The following RAB2A variants were observed in gnomAD, a reference collection of about 807,000 sequenced individuals.
RAB2A encodes the protein ras-related protein Rab-2A.
Under a neutral mutation model 32.5 loss-of-function variants are expected in RAB2A, and 7 were observed. That is an observed-to-expected ratio of 0.22 (90% CI 0.12 to 0.40). RAB2A has a LOEUF of 0.40. Ranked by LOEUF, RAB2A falls within the 10% of genes least tolerant of loss-of-function variation. The pLI, the probability that RAB2A is intolerant of heterozygous loss-of-function variation, is 1.00. For synonymous variants in RAB2A, 79 were observed against 85.2 expected (o/e 0.93, Z 0.40); for missense variants, 108 against 260.7 (o/e 0.41, Z 4.03).
intron 1 of RAB2A, among the ~76,000 whole-genome samples, chr8:60,522,794 C>T (rs1807321503): frequency 6.6e-6 from 1 of 152,000 alleles, no homozygotes; most frequent in South Asian, 2.1e-4. Flanking sequence ...GAAGGAAGAC[C>T]TCTTCCTGTG....
chr8:60,546,804 A>G (rs760427789), intron 1 of RAB2A, among the ~76,000 whole-genome samples: 1 of 152,016 alleles, frequency 6.6e-6, no homozygotes, highest in Non-Finnish European at 1.5e-5. Context: ...TTTAACCACT[A>G]CACAATGCTG....
At chr8:60,600,881 A>G (rs1804123637) in intron 6 of RAB2A, among the ~76,000 whole-genome samples, 1 of 152,224 alleles carries the variant, frequency 6.6e-6, no homozygotes, top group South Asian at 2.1e-4. Context: ...TTTTTGTAAC[A>G]ATGTACTAAT....
chr8:60,525,995 CTA>C (rs1323080884), intron 1 of RAB2A, among the ~76,000 whole-genome samples: 219 of 97,016 alleles, frequency 2.3e-3, no homozygotes, highest in African/African-American at 7.9e-3. Context: ...GTATATATGT[CTA>C]TATGTATATA....
In RAB2A at chr8:60,595,252, A is replaced by G. The variant is rs144478763; in HGVS notation, c.474+3283A>G. ...CTTGCAAATTATGTTTGATGTTTGA[A>G]GTATAAACAAGTAACCACTGTCTGA... On this transcript the variant is annotated intron_variant, in intron 6 of 7. Coordinates refer to ENST00000262646, the MANE Select transcript of RAB2A (RefSeq NM_002865.3). 5.9e-5 allele frequency among the ~76,000 whole-genome samples: 9 copies of G among 152,362 alleles called. No individual in the cohort carries two copies. The East Asian group carries it at 1.7e-3, about 29-fold the overall frequency.
At chr8:60,607,867 C>A (rs74922481) in intron 6 of RAB2A, among the ~76,000 whole-genome samples, 15 of 152,186 alleles carry the variant, frequency 9.9e-5, no homozygotes, top group African/African-American at 3.6e-4. Flanking sequence ...ATTATATTCA[C>A]CCTTTCCTTC....
At chr8:60,525,789 TAATG>T (rs1169203678) in intron 1 of RAB2A, among the ~76,000 whole-genome samples, 1 of 151,850 alleles carries the variant, frequency 6.6e-6, no homozygotes, top group Non-Finnish European at 1.5e-5. Flanking sequence ...CTTCAGTAAA[TAATG>T]AATGTGTGCT....
At chr8:60,558,219 AG>A (rs1358606055) in intron 1 of RAB2A, among the ~76,000 whole-genome samples, 3 of 152,316 alleles carry the variant, frequency 2.0e-5, no homozygotes, top group African/African-American at 7.2e-5. Flanking sequence ...ATGAGTAAGA[AG>A]GGGGTATGGT....
chr8:60,599,000 A>G (rs557750327), intron 6 of RAB2A, among the ~76,000 whole-genome samples: 1 of 151,362 alleles, frequency 6.6e-6, no homozygotes, highest in East Asian at 1.9e-4. Context: ...GAAGAAATAA[A>G]AAGTGTTCTA....
At chr8:60,592,554 AT>A (rs1456516539) in intron 6 of RAB2A, among the ~76,000 whole-genome samples, 2 of 152,142 alleles carry the variant, frequency 1.3e-5, no homozygotes, top group African/African-American at 4.8e-5. Context: ...ATATTACCAC[AT>A]CACCACTTCT....
intron 1 of RAB2A, among the ~76,000 whole-genome samples, chr8:60,524,336 A>G (rs1238733874): frequency 1.3e-5 from 2 of 152,086 alleles, no homozygotes; most frequent in African/African-American, 4.8e-5. Context: ...TTGCCATCTC[A>G]GCTGTTTTTC....
intron 2 of RAB2A, among the ~76,000 whole-genome samples, chr8:60,569,642 A>G (rs146652839): frequency 3.9e-5 from 6 of 152,220 alleles, no homozygotes; most frequent in African/African-American, 1.4e-4. Context: ...CCTCCCAAGT[A>G]GCTGGGACCA....
intron 1 of RAB2A, among the ~76,000 whole-genome samples, chr8:60,551,533 T>C (rs1002664790): frequency 6.6e-6 from 1 of 152,240 alleles, no homozygotes; most frequent in Non-Finnish European, 1.5e-5. Context: ...ATAGGTGTTA[T>C]TAACCTACTT....
At chr8:60,581,910 G>GT (rs1200928193) in intron 3 of RAB2A, among the ~76,000 whole-genome samples, 1 of 143,940 alleles carries the variant, frequency 6.9e-6, no homozygotes, top group Non-Finnish European at 1.5e-5. Context: ...GTATCTTCTA[G>GT]TTTTTTGTTG....
chr8:60,548,927 G>A (rs528329490), intron 1 of RAB2A, among the ~76,000 whole-genome samples: 91 of 148,140 alleles, frequency 6.1e-4, no homozygotes, highest in African/African-American at 2.2e-3. Flanking sequence ...CTCAGACAGG[G>A]CAGTTGCCAG....
At chr8:60,537,070 A>G (rs1260903334) in intron 1 of RAB2A, among the ~76,000 whole-genome samples, 1 of 152,200 alleles carries the variant, frequency 6.6e-6, no homozygotes, top group Non-Finnish European at 1.5e-5. Context: ...TATGAGTTGG[A>G]TTAGACACTA....
intron 3 of RAB2A, among the ~76,000 whole-genome samples, chr8:60,580,000 C>CT (rs10714421): frequency 0.041 from 5,498 of 133,632 alleles, 275 homozygotes; most frequent in African/African-American, 0.12. Flanking sequence ...ATTAAAGCAC[C>CT]TTTTTTTTTT....
At chr8:60,546,187 GT>G (rs924456931) in intron 1 of RAB2A, among the ~76,000 whole-genome samples, 1 of 152,198 alleles carries the variant, frequency 6.6e-6, no homozygotes, top group African/African-American at 2.4e-5. Flanking sequence ...CTTTCTGTTT[GT>G]TTAGGAAAAC....
intron 6 of RAB2A, among the ~76,000 whole-genome samples, chr8:60,596,908 G>A (rs2875975): frequency 5.9e-5 from 9 of 152,052 alleles, no homozygotes; most frequent in Non-Finnish European, 1.3e-4. Context: ...GCGACAGAGT[G>A]AGACTCTGTC....
At chr8:60,583,246 C>G (rs911411998) in intron 3 of RAB2A, among the ~76,000 whole-genome samples, 22 of 152,014 alleles carry the variant, frequency 1.4e-4, no homozygotes, top group Admixed American at 5.2e-4. Context: ...ATATAAAAAT[C>G]GTTAAAATTG....
Sources: gnomAD v4.1 joint callset for allele counts (sites outside exome capture counted in the v4.1 genomes callset) on GRCh38, gnomAD v4.1.1 for gene constraint, MANE v1.5 for transcripts, NCBI Gene and HGNC (gene_info 2026-07-23, HGNC 2026-07-21) for gene names.